APOL3: variants seen among roughly 807,000 people sequenced by gnomAD.
APOL3 encodes the protein apolipoprotein L3, also known as TNF-inducible protein CG12-1.
Under a neutral mutation model 11.6 loss-of-function variants are expected in APOL3, and 14 were observed. That is an observed-to-expected ratio of 1.21 (90% confidence interval 0.80 to 1.89). APOL3 has a LOEUF of 1.89. Ranked by LOEUF, APOL3 falls within the 40% of genes most tolerant of loss-of-function variation. APOL3 has a pLI of 0.00. For missense variants in APOL3, 483 were observed against 492.1 expected, an observed-to-expected ratio of 0.98 and a Z score of 0.17; for synonymous variants, 192 against 190.6, an observed-to-expected ratio of 1.01 and a Z score of -0.06.
At chr22:36,150,273 T>C (rs1398730966) in intron 1 of APOL3, among the ~76,000 whole-genome samples, 1 of 152,204 alleles carries the variant, frequency 6.6e-6, no homozygotes, top group Non-Finnish European at 1.5e-5. Context: ...AAGATCTGAC[T>C]ACAGTGTTAG....
intron 2 of APOL3, among the ~76,000 whole-genome samples, chr22:36,143,020 T>C (rs969017533): frequency 1.3e-5 from 2 of 152,216 alleles, no homozygotes; most frequent in Non-Finnish European, 2.9e-5. Flanking sequence ...AAACCCCCCA[T>C]TCTGGTGTCT....
intron 2 of APOL3, among the ~76,000 whole-genome samples, chr22:36,142,936 T>C (rs1244246424): frequency 6.6e-6 from 1 of 152,228 alleles, no homozygotes; most frequent in East Asian, 1.9e-4. Context: ...CTGAGCATTC[T>C]TGCTGTCTGA....
chr22:36,159,154 G>A (rs1481023240), intron 1 of APOL3: 1 of 152,254 alleles, frequency 6.6e-6, no homozygotes, highest in Non-Finnish European at 1.5e-5. Flanking sequence ...GATCTGAGAA[G>A]CCCATGCAGG....
chr22:36,140,985 C>T (rs2059962941), exon 3 of APOL3: 1 of 640,530 alleles, frequency 1.6e-6, no homozygotes, highest in Admixed American at 3.1e-5. Context: ...CCTCTCCTCC[C>T]TTATTCCAGG....
chr22:36,146,037 A>ACC (rs953759491), intron 1 of APOL3: 20 of 144,324 alleles, frequency 1.4e-4, no homozygotes, highest in African/African-American at 4.7e-4. Context: ...ACACACATAC[A>ACC]CCCCCCACAC....
chr22:36,157,371 C>G (rs1437093643), intron 1 of APOL3, among the ~76,000 whole-genome samples: 1 of 152,172 alleles, frequency 6.6e-6, no homozygotes, highest in African/African-American at 2.4e-5. Flanking sequence ...AAGTCTTGTT[C>G]TTCTTTGTCT....
intron 1 of APOL3, chr22:36,156,715 C>T (rs1453697225): frequency 6.7e-6 from 2 of 299,004 alleles, no homozygotes; most frequent in Non-Finnish European, 1.4e-5. Flanking sequence ...TCCCCAGGCT[C>T]CCTGAGCACT....
chr22:36,146,516 G>T (rs982290096), intron 1 of APOL3: 3 of 151,938 alleles, frequency 2.0e-5, no homozygotes, highest in Non-Finnish European at 4.4e-5. Context: ...AACACAGCAA[G>T]AGTGAGTATT....
intron 1 of APOL3, chr22:36,155,741 G>T: frequency 6.3e-6 from 1 of 159,978 alleles, no homozygotes; most frequent in South Asian, 1.8e-4. Context: ...CACCTCTGAT[G>T]AGCTACACCC....
chr22:36,160,221 C>T (rs537511383), intron 1 of APOL3, among the ~76,000 whole-genome samples: 7 of 152,174 alleles, frequency 4.6e-5, no homozygotes, highest in Admixed American at 6.5e-5. Context: ...CTGTCCCCAT[C>T]GGGCCTCAGC....
rs372251157 is a variant in APOL3, at chr22:36,141,827, A to T, written c.582T>A (p.Thr194=). ...GGGACATGATGCCAGAGGCAGCGCC[A>T]GTGGAGCTGGACACCACATTGGAGA... The change falls in exon 3 of 3, where the codon ACT becomes ACA. Residue 194 remains threonine (T), a synonymous_variant. Transcript: ENST00000349314. The T allele has an allele frequency of 1.7e-5, 27 of 1,614,258 alleles. No individual in the cohort carries two copies. The African/African-American group carries it at 2.7e-4, about 16-fold the overall frequency.
At chr22:36,145,933 G>T (rs567930802) in intron 1 of APOL3, among the ~76,000 whole-genome samples, 1 of 145,274 alleles carries the variant, frequency 6.9e-6, no homozygotes, top group East Asian at 2.2e-4. Context: ...ACCCCACCCC[G>T]CCCTCGCTGT....
intron 1 of APOL3, among the ~76,000 whole-genome samples, chr22:36,147,879 A>G (rs1238985747): frequency 2.6e-5 from 4 of 152,206 alleles, no homozygotes; most frequent in Admixed American, 2.6e-4. Context: ...ACTGCCAACT[A>G]TGGGGAACTT....
At chr22:36,148,979 G>A in intron 1 of APOL3, 67 bp downstream of exon 2, 2 of 1,346,440 alleles carry the variant, frequency 1.5e-6, no homozygotes, top group African/African-American at 1.5e-5. Flanking sequence ...ACTGAGTTGT[G>A]GAAACGCCAC....
chr22:36,153,465 G>C (rs1397429539), intron 1 of APOL3: 2 of 454,562 alleles, frequency 4.4e-6, no homozygotes, highest in Non-Finnish European at 8.9e-6. Context: ...ATGTTAAACT[G>C]TTAATATTAA....
chr22:36,142,259 T>TG (rs2060025912), intron 2 of APOL3, among the ~76,000 whole-genome samples: 3 of 152,230 alleles, frequency 2.0e-5, no homozygotes, highest in Admixed American at 2.0e-4. Context: ...GCCACAGTAC[T>TG]TATTCTGTAT....
At chr22:36,150,049 C>A (rs2060375771) in intron 1 of APOL3, 1 of 384,280 alleles carries the variant, frequency 2.6e-6, no homozygotes, top group Non-Finnish European at 5.2e-6. Context: ...TGGTTTCAAG[C>A]AATCCTCCTG....
At chr22:36,146,933 G>A (rs1409756252) in intron 1 of APOL3, among the ~76,000 whole-genome samples, 1 of 152,116 alleles carries the variant, frequency 6.6e-6, no homozygotes, top group African/African-American at 2.4e-5. Context: ...TATGCACTGG[G>A]ACATGAGGTA....
chr22:36,158,399 G>A (rs771624175), intron 1 of APOL3, among the ~76,000 whole-genome samples: 2 of 152,174 alleles, frequency 1.3e-5, no homozygotes, highest in Non-Finnish European at 2.9e-5. Context: ...AGGGAGCAGA[G>A]GGCAAGTGTG....
Sources: allele counts gnomAD v4.1 joint callset (sites outside exome capture counted in the v4.1 genomes callset), GRCh38; gene constraint gnomAD v4.1.1; transcripts MANE v1.5; gene names NCBI Gene and HGNC (gene_info 2026-07-23, HGNC 2026-07-21).